The following EPB41L4A variants were observed in gnomAD, a reference collection of about 807,000 sequenced individuals.
EPB41L4A encodes band 4.1-like protein 4A.
A neutral mutation model predicts 108.6 loss-of-function variants in EPB41L4A; 100 were observed. The observed-to-expected ratio is 0.92, with a 90% CI of 0.78 to 1.09. EPB41L4A has a LOEUF of 1.09. Ranked by LOEUF, EPB41L4A falls within the 50% of genes least tolerant of loss-of-function variation. The pLI is 0.00. For synonymous variants in EPB41L4A, 319 were observed against 289.0 expected (o/e 1.10, Z -1.05); for missense variants, 1,030 against 842.7 (o/e 1.22, Z -2.75).
chr5:112,149,950 C>A (rs763514200), intron 12 of EPB41L4A, among the ~76,000 whole-genome samples: 1 of 152,036 alleles, frequency 6.6e-6, no homozygotes. Flanking sequence ...TTATGACCCA[C>A]GCATAACGTC....
chr5:112,324,245 G>A (rs116813970), intron 1 of EPB41L4A, among the ~76,000 whole-genome samples: 1 of 152,056 alleles, frequency 6.6e-6, no homozygotes, highest in Non-Finnish European at 1.5e-5. Flanking sequence ...GTAAAACTAA[G>A]GGGGGATATT....
intron 9 of EPB41L4A, among the ~76,000 whole-genome samples, chr5:112,254,226 T>C (rs1378835988): frequency 4.6e-5 from 7 of 152,226 alleles, no homozygotes; most frequent in African/African-American, 1.4e-4. Context: ...CCTCCTCTTG[T>C]TGCCAAAACC....
chr5:112,144,891 C>T (rs1288296852), intron 13 of EPB41L4A, among the ~76,000 whole-genome samples: 1 of 152,160 alleles, frequency 6.6e-6, no homozygotes, highest in African/African-American at 2.4e-5. Context: ...AGAGGGTAGT[C>T]CAGCCTGCAG....
chr5:112,214,698 G>A (rs1747486062), intron 12 of EPB41L4A, among the ~76,000 whole-genome samples: 1 of 152,006 alleles, frequency 6.6e-6, no homozygotes, highest in Non-Finnish European at 1.5e-5. Context: ...CTCAGGAGGC[G>A]GAGCTTGCAG....
chr5:112,296,230 T>A (rs2150550494), intron 2 of EPB41L4A, among the ~76,000 whole-genome samples: 1 of 152,326 alleles, frequency 6.6e-6, no homozygotes, highest in South Asian at 2.1e-4. Flanking sequence ...TTAATGATTT[T>A]AAAATTTTTC....
intron 18 of EPB41L4A, among the ~76,000 whole-genome samples, chr5:112,177,361 A>C (rs1287609932): frequency 3.3e-5 from 5 of 152,144 alleles, no homozygotes; most frequent in Admixed American, 3.3e-4. Flanking sequence ...CACCTCTTCC[A>C]CTTTTAAGAA....
At chr5:112,193,926 C>T (rs895796636) in intron 17 of EPB41L4A, among the ~76,000 whole-genome samples, 1 of 152,182 alleles carries the variant, frequency 6.6e-6, no homozygotes, top group Non-Finnish European at 1.5e-5. Context: ...AACCAAATCC[C>T]TCTGACTCCC....
chr5:112,376,933 G>A (rs1416854967), intron 1 of EPB41L4A, among the ~76,000 whole-genome samples: 1 of 152,154 alleles, frequency 6.6e-6, no homozygotes, highest in Non-Finnish European at 1.5e-5. Context: ...GCTGGGTGCG[G>A]TGGCTCATTC....
At chr5:112,408,441 G>A (rs987676259) in intron 1 of EPB41L4A, among the ~76,000 whole-genome samples, 3 of 151,936 alleles carry the variant, frequency 2.0e-5, no homozygotes, top group Non-Finnish European at 2.9e-5. Context: ...GAAAATATTT[G>A]CAAATTAAAC....
intron 2 of EPB41L4A, among the ~76,000 whole-genome samples, 195 bp from the exon 3 acceptor site, chr5:112,280,518 G>A (rs935890913): frequency 2.6e-5 from 4 of 152,098 alleles, no homozygotes; most frequent in Non-Finnish European, 4.4e-5. Flanking sequence ...GGCCAGGCAC[G>A]GTGGCTCACA....
chr5:112,191,071 T>C (rs929856576), intron 17 of EPB41L4A, among the ~76,000 whole-genome samples: 2 of 152,192 alleles, frequency 1.3e-5, no homozygotes, highest in Non-Finnish European at 2.9e-5. Flanking sequence ...TGCCTCCAAC[T>C]TCTATCTGGT....
intron 3 of EPB41L4A, among the ~76,000 whole-genome samples, chr5:112,277,023 T>C (rs1220757174): frequency 6.6e-6 from 1 of 152,232 alleles, no homozygotes; most frequent in East Asian, 1.9e-4. Flanking sequence ...TTTGTATTTC[T>C]GACAAATACA....
At chr5:112,256,304 C>T (rs1280018453) in intron 9 of EPB41L4A, among the ~76,000 whole-genome samples, 1 of 152,052 alleles carries the variant, frequency 6.6e-6, no homozygotes, top group East Asian at 1.9e-4. Flanking sequence ...AAACAGAAAG[C>T]CAATCAAGGA....
chr5:112,261,326 T>C (rs1410777079), intron 7 of EPB41L4A, among the ~76,000 whole-genome samples: 2 of 152,184 alleles, frequency 1.3e-5, no homozygotes, highest in African/African-American at 4.8e-5. Context: ...ATATACAAAA[T>C]GAATGCATGA....
intron 2 of EPB41L4A, among the ~76,000 whole-genome samples, chr5:112,283,161 C>T (rs866064188): frequency 3.2e-4 from 49 of 152,090 alleles, no homozygotes; most frequent in Admixed American, 7.9e-4. Flanking sequence ...TTCTGCAGCA[C>T]GAAGCAGCAG....
intron 1 of EPB41L4A, among the ~76,000 whole-genome samples, chr5:112,322,970 G>A: frequency 8.2e-6 from 1 of 121,938 alleles, no homozygotes. Flanking sequence ...CTTTCAAGAA[G>A]ATACAATTAG....
intron 22 of EPB41L4A, among the ~76,000 whole-genome samples, chr5:112,167,660 G>A (rs1375935766): frequency 2.0e-5 from 3 of 152,116 alleles, no homozygotes; most frequent in Admixed American, 6.5e-5. Context: ...AGCCATCTCA[G>A]CTCTAGAGCT....
chr5:112,233,091 TAAATTGTC>T (rs1386323065), intron 12 of EPB41L4A, among the ~76,000 whole-genome samples: 3 of 151,980 alleles, frequency 2.0e-5, no homozygotes, highest in East Asian at 3.9e-4. Flanking sequence ...GTAGAATGAA[TAAATTGTC>T]AAACACAAGA....
rs528220502 is a variant in EPB41L4A, at chr5:112,173,583, T to C, written c.1623-2591A>G. The C allele has an allele frequency of 2.0e-5, 3 of 152,006 alleles. No individual in the cohort carries two copies. In the East Asian group the frequency reaches 5.8e-4, roughly 29 times the overall value. 9.4% of individuals were successfully genotyped at this position (152,006 alleles called of 1,614,324 possible). On this transcript the variant is annotated intron_variant, in intron 18 of 22. Transcript: ENST00000261486. The stretch of plus-strand genomic sequence containing the variant: ...GTTTTTTTTTTTAAATATACTATTA[T>C]TGTAATTCCAAAGGAAATGCTTTTC...
Sources: allele counts gnomAD v4.1 joint callset (sites outside exome capture counted in the v4.1 genomes callset), GRCh38; gene constraint gnomAD v4.1.1; transcripts MANE v1.5; gene names NCBI Gene and HGNC (gene_info 2026-07-23, HGNC 2026-07-21).